PAXIP1: variants seen among roughly 807,000 people sequenced by gnomAD.
The protein encoded by PAXIP1 is PAX interacting protein 1.
A neutral mutation model predicts 140.6 loss-of-function variants in PAXIP1; 19 were observed. The ratio of observed to expected loss-of-function variants is 0.14; its 90% CI spans 0.09 to 0.20. The LOEUF (loss-of-function observed/expected upper bound fraction) is 0.20. Among genes scored for constraint, PAXIP1 ranks in the 10% least tolerant of loss-of-function variants. PAXIP1 has a pLI of 1.00. For missense variants in PAXIP1, 920 were observed against 1,208.6 expected, an observed-to-expected ratio of 0.76 and a Z score of 3.54; for synonymous variants, 442 against 444.6, an observed-to-expected ratio of 0.99 and a Z score of 0.07.
chr7:154,993,478 G>A (rs1021446184), intron 3 of PAXIP1, among the ~76,000 whole-genome samples: 3 of 152,096 alleles, frequency 2.0e-5, no homozygotes, highest in African/African-American at 4.8e-5. Flanking sequence ...GAAGAGAACC[G>A]GAGCTCCTGC....
chr7:154,987,901 G>T (rs1810149040), intron 4 of PAXIP1, among the ~76,000 whole-genome samples: 2 of 152,122 alleles, frequency 1.3e-5, no homozygotes, highest in African/African-American at 2.4e-5. Flanking sequence ...TCCAGCCTCT[G>T]TCCTGCCCTG....
At position 154,946,782 on chromosome 7, in the gene PAXIP1, C is replaced by T. The variant is rs1463439193; in HGVS notation, c.2954G>A (p.Cys985Tyr). The T allele has an allele frequency of 6.2e-7, 1 of 1,609,280 alleles. No individual in the cohort carries two copies. The highest frequency in any genetic ancestry group is 8.5e-7 in the Non-Finnish European group (1 of 1,177,020). The change falls in exon 18 of 21, where the codon TGC becomes TAC. Residue 985 changes from cysteine (C) to tyrosine (Y), a missense_variant. Around this residue, in one of 5 missense-constraint regions of PAXIP1, gnomAD observed 303 missense variants for 517.9 expected, o/e 0.59. Transcript: ENST00000404141. The surrounding 1 kb of genome is among the most constrained non-coding windows in gnomAD (Gnocchi z 4.9). ...TGCCTTCATAGTGGAAAGACTTGGG[C>T]AGATTCCAGGTGTGATGTAAAAATA... ...AKYFYITPGI[C>Y]PSLSTMKAIV...
chr7:154,946,632 T>C lies in PAXIP1; in HGVS notation c.3058-45A>G. 3.1e-6 allele frequency: 5 copies of C among 1,613,620 alleles called. No homozygotes were observed. The highest frequency in any genetic ancestry group is 4.2e-6 in the Non-Finnish European group (5 of 1,179,600). Reference sequence around the variant, plus strand: ...TTTCTCAGTGACCGAACGCTGAATGTGATACAGGGCAATGACGGACTCGCT... The same window carrying C: ...TTTCTCAGTGACCGAACGCTGAATGCGATACAGGGCAATGACGGACTCGCT... On this transcript the variant is annotated intron_variant, in intron 18 of 20. Coordinates refer to ENST00000404141, the MANE Select transcript of PAXIP1 (RefSeq NM_007349.4). The surrounding 1 kb of genome is among the most constrained non-coding windows in gnomAD (Gnocchi z 4.9).
chr7:154,957,062 A>G (rs1275622731), intron 14 of PAXIP1, 162 bp downstream of exon 14: 7 of 528,546 alleles, frequency 1.3e-5, no homozygotes, highest in Non-Finnish European at 1.7e-5. Context: ...GGCCTATGTC[A>G]TTAAAATGAA....
intron 6 of PAXIP1, among the ~76,000 whole-genome samples, chr7:154,972,392 G>C (rs1809370953): frequency 6.6e-6 from 1 of 152,182 alleles, no homozygotes; most frequent in African/African-American, 2.4e-5. Flanking sequence ...AGGAGGCTGA[G>C]GCAAGAGAAT....
chr7:154,995,173 G>A (rs1029712489), intron 2 of PAXIP1, among the ~76,000 whole-genome samples: 1 of 152,174 alleles, frequency 6.6e-6, no homozygotes, highest in Non-Finnish European at 1.5e-5. Flanking sequence ...AGAGCCTGGG[G>A]CAATGCACTA....
At position 154,986,286 on chromosome 7, in the gene PAXIP1, G is replaced by T; in HGVS notation, c.325-2954C>A. On this transcript the variant is annotated intron_variant, in intron 4 of 20. Transcript: ENST00000404141. The surrounding 1 kb of genome is among the most constrained non-coding windows in gnomAD (Gnocchi z 4.8). ...CATGTGAGTGTGTGTGCGCATGGGT[G>T]CTCCAGTGTGCAGAAAAGGTGCAGA... The T allele has an allele frequency of 1.5e-6, 1 of 658,962 alleles. No individual in the cohort carries two copies. The highest frequency in any genetic ancestry group is 2.2e-6 in the Non-Finnish European group (1 of 448,922). The allele number at this position is 658,962 out of a possible 1,614,324, so 40.8% of individuals were successfully genotyped here. A position where few individuals can be genotyped will look rare whatever the true frequency, so the allele number is the denominator to read the frequency against.
chr7:154,992,021 C>A (rs1810354034), intron 3 of PAXIP1, among the ~76,000 whole-genome samples: 1 of 152,176 alleles, frequency 6.6e-6, no homozygotes, highest in Admixed American at 6.5e-5. Flanking sequence ...ACCTTCAGCC[C>A]CATTATCGAA....
rs142762009 is a variant in PAXIP1, at chr7:154,958,174, G to A, written c.2479-880C>T. Among the ~76,000 whole-genome samples the A allele has an allele frequency of 3.5e-3, 528 of 152,236 alleles. 3 individuals are homozygous for A. The highest frequency in any genetic ancestry group is 0.012 in the African/African-American group (511 of 41,536). The stretch of plus-strand genomic sequence containing the variant: ...CTCAGCAACATGGTCACATCCACTA[G>A]GACCAGCTCCAGTCCCTGACCCTGG... On this transcript the variant is annotated intron_variant, in intron 13 of 20. Transcript: ENST00000404141.
intron 16 of PAXIP1, chr7:154,951,105 C>CT (rs1303315720): frequency 6.6e-6 from 1 of 152,148 alleles, no homozygotes. Context: ...AGAGTGAGCC[C>CT]TAATGTAACT....
At position 154,983,534 on chromosome 7, in the gene PAXIP1, A is replaced by T. The variant is rs1809939720; in HGVS notation, c.325-202T>A. ...CACTCCTATCATAATAGTTTTACAT[A>T]TATGAATTACTTATTTTTGCCTTGT... On this transcript the variant is annotated intron_variant, in intron 4 of 20. Coordinates refer to ENST00000404141, the MANE Select transcript of PAXIP1 (RefSeq NM_007349.4). 9.7e-6 allele frequency: 4 copies of T among 410,830 alleles called. No individual in the cohort carries two copies. The East Asian group carries it at 1.8e-4, about 18-fold the overall frequency. 25.4% of individuals were successfully genotyped at this position (410,830 alleles called of 1,614,324 possible).
Position 154,946,312 on chromosome 7 carries a change from A to G in PAXIP1, c.3194+53T>C. 1 of 1,612,912 alleles carries G rather than the reference A, an allele frequency of 6.2e-7. No individual in the cohort carries two copies. Among genetic ancestry groups the G allele is most frequent in the East Asian group, 2.2e-5 (1 of 44,864 alleles). On this transcript the variant is annotated intron_variant, in intron 20 of 20. Coordinates refer to ENST00000404141, the MANE Select transcript of PAXIP1 (RefSeq NM_007349.4). The surrounding 1 kb of genome is among the most constrained non-coding windows in gnomAD (Gnocchi z 4.9). Reference sequence around the variant, plus strand: ...AGGTACTGCCTTATTAACCTGGGAAATCCATTTCATATCTAACCCGTCTAC... The same window carrying G: ...AGGTACTGCCTTATTAACCTGGGAAGTCCATTTCATATCTAACCCGTCTAC...
At chr7:154,947,287 A>C (rs1437089003) in intron 17 of PAXIP1, 1 of 159,056 alleles carries the variant, frequency 6.3e-6, no homozygotes, top group Non-Finnish European at 1.4e-5. Flanking sequence ...ATCTAACAAG[A>C]TTGCTCCTGA....
intron 6 of PAXIP1, chr7:154,974,079 C>T (rs1226337327): frequency 1.3e-5 from 2 of 152,456 alleles, no homozygotes; most frequent in South Asian, 2.1e-4. Flanking sequence ...GGTTCCACCA[C>T]GTAGCAGACA....
At chr7:154,978,085 G>A (rs1372928331) in intron 5 of PAXIP1, among the ~76,000 whole-genome samples, 1 of 152,096 alleles carries the variant, frequency 6.6e-6, no homozygotes, top group Admixed American at 6.5e-5. Flanking sequence ...CTTTGTTTAC[G>A]GATCTCAAAT....
chr7:154,998,698 A>C lies in PAXIP1; in HGVS notation c.168T>G (p.Asn56Lys), dbSNP rs1173371779. The stretch of plus-strand genomic sequence containing the variant: ...CTTCCCGAGCTTCTCCCACCTCTGG[A>C]TTGTCCCCATCCTCTGAGATTATGT... ...ASHIISEDGD[N>K]PEVGEAREVF... Residue 56 changes from asparagine (N) to lysine (K), a missense_variant, in exon 2 of 21, where the codon AAT becomes AAG. This residue lies in a region of PAXIP1 where 419 missense variants were observed against 514.7 expected (regional missense o/e 0.81). Coordinates refer to ENST00000404141, the MANE Select transcript of PAXIP1 (RefSeq NM_007349.4). 6.2e-7 allele frequency: 1 copy of C among 1,613,562 alleles called. No individual in the cohort carries two copies. The highest frequency in any genetic ancestry group is 1.7e-5 in the Admixed American group (1 of 59,990).
intron 8 of PAXIP1, chr7:154,965,474 A>C (rs1477492101): frequency 3.9e-5 from 6 of 152,174 alleles, no homozygotes; most frequent in Admixed American, 1.3e-4. Context: ...ATACTTAAGC[A>C]ACACAGGTGT....
intron 1 of PAXIP1, chr7:154,999,977 C>G (rs189326312): frequency 1.3e-5 from 2 of 152,220 alleles, no homozygotes; most frequent in Non-Finnish European, 2.9e-5. Flanking sequence ...GGTTAAGGAA[C>G]AGTCGACAGT....
Position 154,968,790 on chromosome 7 carries a change from G to C in PAXIP1, c.1411C>G (p.Pro471Ala), listed in dbSNP as rs964178402. Residue 471 changes from proline (P) to alanine (A), a missense_variant, in exon 7 of 21, where the codon CCA becomes GCA. Pro to Ala is a conservative substitution (Grantham distance 27). Around this residue, in one of 5 missense-constraint regions of PAXIP1, gnomAD observed 133 missense variants for 88.4 expected, o/e 1.50. Coordinates refer to ENST00000404141, the MANE Select transcript of PAXIP1 (RefSeq NM_007349.4). ...HQFSQQQLQF[P>A]QQQLHPPQQL... ...TGTGGAGGATGCAACTGTTGCTGTG[G>C]AAACTGTAGCTGTTGCTGTGAAAAC... is the stretch of plus-strand genomic sequence containing the variant. The C allele has an allele frequency of 1.4e-6, 1 of 722,836 alleles. No individual in the cohort carries two copies. The highest frequency in any genetic ancestry group is 2.6e-6 in the Non-Finnish European group (1 of 389,128). 44.8% of individuals were successfully genotyped at this position (722,836 alleles called of 1,614,324 possible).
Sources: allele counts gnomAD v4.1 joint callset (sites outside exome capture counted in the v4.1 genomes callset), GRCh38; gene constraint gnomAD v4.1.1; regional missense constraint gnomAD v4.1.1; non-coding constraint Gnocchi (gnomAD v3.1); transcripts MANE v1.5; gene names NCBI Gene and HGNC (gene_info 2026-07-23, HGNC 2026-07-21).